The following CBX2 variants were observed in gnomAD, a reference collection of about 807,000 sequenced individuals.
The protein encoded by CBX2 is chromobox 2.
Under a neutral mutation model 21.0 loss-of-function variants are expected in CBX2, and 11 were observed. The ratio of observed to expected loss-of-function variants is 0.52; its 90% CI spans 0.33 to 0.87. The LOEUF is 0.87. CBX2 is among the 40% of genes least tolerant of loss of function. The probability of loss-of-function intolerance (pLI) is 0.02; values close to 1 mark genes in which losing one functional copy is unlikely to be tolerated. For synonymous variants in CBX2, 364 were observed against 304.6 expected (o/e 1.19, Z -2.03); for missense variants, 746 against 724.3 (o/e 1.03, Z -0.34).
chr17:79,781,617 G>A (rs1296224610), intron 3 of CBX2, 79 bp from the exon 4 acceptor site: 37 of 1,213,412 alleles, frequency 3.0e-5, no homozygotes, highest in Non-Finnish European at 3.9e-5. Context: ...GGAATAGGGT[G>A]CTGGAAGCCA....
In CBX2 at chr17:79,778,283, C is replaced by T. The variant is rs781876862; in HGVS notation, c.48C>T (p.Cys16=). 301 of 1,546,630 alleles carry T rather than the reference C, an allele frequency of 1.9e-4. No individual in the cohort carries two copies. Among genetic ancestry groups the T allele is most frequent in the Non-Finnish European group, 2.2e-4 (258 of 1,152,858 alleles). ...SVGEQVFAAE[C]ILSKRLRKGK... Reference sequence around the variant, plus strand: ...GCGAGCAGGTCTTCGCCGCCGAGTGCATCCTGAGCAAGCGGCTCCGCAAGG... The same window carrying T: ...GCGAGCAGGTCTTCGCCGCCGAGTGTATCCTGAGCAAGCGGCTCCGCAAGG... Residue 16 remains cysteine, a synonymous_variant, in exon 1 of 5, where the codon TGC becomes TGT. Transcript: ENST00000310942. The surrounding 1 kb of genome is among the most constrained non-coding windows in gnomAD (Gnocchi z 4.8).
rs1907739190 is a variant in CBX2 at position 79,787,830 on chromosome 17, T to G, written c.*2788T>G. ...AGAGTGTTCCTTGTTTTGGTTACAC[T>G]CGAAATTCTGACCTAGCTGGAGAGG... On this transcript the variant is annotated 3_prime_UTR_variant, in exon 5 of 5. Coordinates refer to ENST00000310942, the MANE Select transcript of CBX2 (RefSeq NM_005189.3). 6.6e-6 allele frequency: 1 copy of G among 152,188 alleles called. No individual in the cohort carries two copies. The highest frequency in any genetic ancestry group is 2.4e-5 in the African/African-American group (1 of 41,448). The allele number at this position is 152,188 out of a possible 1,614,324, so 9.4% of individuals were successfully genotyped here.
chr17:79,785,146 G>A lies in CBX2; in HGVS notation c.*104G>A. 4 of 1,018,612 alleles carry A rather than the reference G, an allele frequency of 3.9e-6. No homozygotes were observed. The highest frequency in any genetic ancestry group is 6.0e-6 in the Non-Finnish European group (4 of 669,690). 63.1% of individuals were successfully genotyped at this position (1,018,612 alleles called of 1,614,324 possible). The stretch of plus-strand genomic sequence containing the variant: ...AAGCCCCCTCAAGAGTCTGGGTCGG[G>A]GGAGGAGGAGTGGGTGGCCTCCTTG... On this transcript the variant is annotated 3_prime_UTR_variant, in exon 5 of 5. Transcript: ENST00000310942.
rs782036404 is a variant in CBX2, at chr17:79,778,347, G to C, written c.73-37G>C. The C allele has an allele frequency of 1.1e-5, 17 of 1,577,394 alleles. No homozygotes were observed. The highest frequency in any genetic ancestry group is 8.2e-5 in the African/African-American group (6 of 73,302). ...CCGGGCCCCCCGCCCGCCGCCCGCT[G>C]TCCGTCTGGCTCACGGCCCCTCTTC... On this transcript the variant is annotated intron_variant, in intron 1 of 4. Coordinates refer to ENST00000310942, the MANE Select transcript of CBX2 (RefSeq NM_005189.3). This position sits in a 1 kb window ranked among gnomAD's most constrained non-coding sequence, Gnocchi z 4.8.
rs1347719120 is a variant in CBX2, at chr17:79,778,201, G to C, written c.-35G>C. The stretch of plus-strand genomic sequence containing the variant: ...GCGGCGGTCCGGGCGGGTGACTGGC[G>C]GCGGGCGCCGCGGTCGGGCTGGCTG... On this transcript the variant is annotated 5_prime_UTR_variant, in exon 1 of 5. Transcript: ENST00000310942. The surrounding 1 kb of genome is among the most constrained non-coding windows in gnomAD (Gnocchi z 4.8). 30 of 1,273,588 alleles carry C rather than the reference G, an allele frequency of 2.4e-5. No homozygotes were observed. The highest frequency in any genetic ancestry group is 3.0e-5 in the Non-Finnish European group (30 of 1,006,868). 78.9% of individuals were successfully genotyped at this position (1,273,588 alleles called of 1,614,324 possible). A position where few individuals can be genotyped will look rare whatever the true frequency, so the allele number is the denominator to read the frequency against.
chr17:79,781,933 A>G, intron 4 of CBX2, 132 bp downstream of exon 4: 1 of 1,614,148 alleles, frequency 6.2e-7, no homozygotes, highest in East Asian at 2.2e-5. Context: ...CTCTACTCGG[A>G]AAACAGGAGC....
Position 79,779,221 on chromosome 17 carries a change from C to CT in CBX2, c.117-138dup, listed in dbSNP as rs367609794. On this transcript the variant is annotated intron_variant, in intron 2 of 4. Coordinates refer to ENST00000310942, the MANE Select transcript of CBX2 (RefSeq NM_005189.3). ...CCAGCCTCCAAAACCTGGGTTTGGA[C>CT]TTTGAGAAGTGCCATGGTGCTACGG... The CT allele has an allele frequency of 8.6e-4, 697 of 814,108 alleles. 9 individuals carry two copies. In the East Asian group the frequency reaches 0.017, roughly 20 times the overall value. 50.4% of individuals were successfully genotyped at this position (814,108 alleles called of 1,614,324 possible). A position where few individuals can be genotyped will look rare whatever the true frequency, so the allele number is the denominator to read the frequency against.
chr17:79,781,358 A>G (rs1907184500), intron 3 of CBX2, among the ~76,000 whole-genome samples: 3 of 152,214 alleles, frequency 2.0e-5, no homozygotes, highest in Admixed American at 6.5e-5. Flanking sequence ...GTGGCCACCG[A>G]GGCCACTTCT....
chr17:79,780,997 C>T (rs1907142910), intron 3 of CBX2, among the ~76,000 whole-genome samples: 1 of 151,928 alleles, frequency 6.6e-6, no homozygotes, highest in African/African-American at 2.4e-5. Flanking sequence ...TACAGGCTTT[C>T]CCTGGGGGCT....
rs1423887994 is a variant in CBX2 at position 79,778,866 on chromosome 17, T to A, written c.116+439T>A. ...CCCCGGAAGGGGCTCTCTGCACAGC[T>A]GCTCCCGCGGCCCCGTTTCTGCGTC... On this transcript the variant is annotated intron_variant, in intron 2 of 4. Transcript: ENST00000310942. This position sits in a 1 kb window ranked among gnomAD's most constrained non-coding sequence, Gnocchi z 4.8. 6.6e-6 allele frequency among the ~76,000 whole-genome samples: 1 copy of A among 152,056 alleles called. No homozygotes were observed. Among genetic ancestry groups the A allele is most frequent in the Non-Finnish European group, 1.5e-5 (1 of 67,994 alleles).
intron 3 of CBX2, among the ~76,000 whole-genome samples, chr17:79,780,728 C>A (rs1907115529): frequency 6.6e-6 from 1 of 151,930 alleles, no homozygotes; most frequent in Admixed American, 6.6e-5. Flanking sequence ...CTGGCGGTTA[C>A]CTGCTTGGTA....
At chr17:79,780,190 C>G (rs1555829920) in intron 3 of CBX2, among the ~76,000 whole-genome samples, 1 of 152,220 alleles carries the variant, frequency 6.6e-6, no homozygotes, top group African/African-American at 2.4e-5. Context: ...ACGGCTCCCC[C>G]TGGATCCCCT....
At chr17:79,779,263 C>A in intron 2 of CBX2, 99 bp from the exon 3 acceptor site, 1 of 1,177,214 alleles carries the variant, frequency 8.5e-7, no homozygotes, top group Non-Finnish European at 1.2e-6. Context: ...TGCCATCGGC[C>A]CAAGTCGAGG....
At position 79,784,132 on chromosome 17, in the gene CBX2, C is replaced by A; in HGVS notation, c.689C>A (p.Thr230Asn). The A allele has an allele frequency of 6.2e-7, 1 of 1,612,202 alleles. No homozygotes were observed. Among genetic ancestry groups the A allele is most frequent in the East Asian group, 2.2e-5 (1 of 44,868 alleles). ...TGTGGCGGCCCCAGTGCCATGGCCACCCCAGAGAACCTGGCCAGCCTAATG... is the reference window on the plus strand; with the variant it reads ...TGTGGCGGCCCCAGTGCCATGGCCAACCCAGAGAACCTGGCCAGCCTAATG... ...EACGGPSAMATPENLASLMKG... is the reference protein window; with the variant it reads ...EACGGPSAMANPENLASLMKG... Residue 230 changes from threonine (T) to asparagine (N), a missense_variant, in exon 5 of 5, where the codon ACC becomes AAC. This residue lies in a region of CBX2 where 701 missense variants were observed against 650.7 expected (regional missense o/e 1.08). Transcript: ENST00000310942. This position sits in a 1 kb window ranked among gnomAD's most constrained non-coding sequence, Gnocchi z 5.9.
Position 79,785,279 on chromosome 17 carries a change from C to A in CBX2, c.*237C>A. On this transcript the variant is annotated 3_prime_UTR_variant, in exon 5 of 5. Coordinates refer to ENST00000310942, the MANE Select transcript of CBX2 (RefSeq NM_005189.3). ...TCCACCTTGTTCCTACCTCTGCAGG[C>A]CTCTTTGCTCTCCCCTCTTGCCTCA... 1 of 586,544 alleles carries A rather than the reference C, an allele frequency of 1.7e-6. No homozygotes were observed. The highest frequency in any genetic ancestry group is 3.0e-6 in the Non-Finnish European group (1 of 328,060). 36.3% of individuals were successfully genotyped at this position (586,544 alleles called of 1,614,324 possible).
intron 3 of CBX2, among the ~76,000 whole-genome samples, chr17:79,780,881 T>C (rs782496463): frequency 6.6e-6 from 1 of 152,068 alleles, no homozygotes; most frequent in African/African-American, 2.4e-5. Context: ...CACTTAAGAG[T>C]ATGAACTTTG....
rs781881482 is a variant in CBX2 at position 79,783,847 on chromosome 17, G to A, written c.404G>A (p.Arg135Gln). Residue 135 changes from arginine to glutamine, a missense_variant, in exon 5 of 5, where the codon CGG (arginine) becomes CAG (glutamine). This residue lies in a region of CBX2 where 701 missense variants were observed against 650.7 expected (regional missense o/e 1.08). Transcript: ENST00000310942. ...GACTTAGATGCTAAGAGGGGTCCCC[G>A]GGGCCGCGAGACCCACCCAGTGCCG... is the stretch of plus-strand genomic sequence containing the variant. ...DSDLDAKRGPRGRETHPVPQK... is the reference protein window; with the variant it reads ...DSDLDAKRGPQGRETHPVPQK... The A allele has an allele frequency of 8.1e-6, 13 of 1,613,128 alleles. No individual in the cohort carries two copies. The highest frequency in any genetic ancestry group is 6.7e-5 in the East Asian group (3 of 44,820).
In CBX2 at chr17:79,784,296, G is replaced by A. The variant is rs375372157; in HGVS notation, c.853G>A (p.Gly285Ser). The A allele has an allele frequency of 1.1e-5, 18 of 1,612,966 alleles. No individual in the cohort carries two copies. The highest frequency in any genetic ancestry group is 2.2e-5 in the East Asian group (1 of 44,882). Residue 285 changes from glycine (G) to serine (S), a missense_variant, in exon 5 of 5, where the codon GGC becomes AGC. This residue lies in a region of CBX2 where 701 missense variants were observed against 650.7 expected (regional missense o/e 1.08). Transcript: ENST00000310942. This position sits in a 1 kb window ranked among gnomAD's most constrained non-coding sequence, Gnocchi z 5.9. ...GAAGGCCCAGGCCACCAACAAGTGC[G>A]GCCTCGGGCTGGACCTGAAGGTGAG... Reference protein sequence around the residue: ...ALKAQATNKCGLGLDLKVRTQ... With the variant: ...ALKAQATNKCSLGLDLKVRTQ...
rs1223660551 is a variant in CBX2 at position 79,778,921 on chromosome 17, C to T, written c.117-441C>T. Reference sequence around the variant, plus strand: ...CGGACCCCGCTCTTTCTTCGCTACCCCTCGAGGTGCCCCGGCCCGCGCGCC... The same window carrying T: ...CGGACCCCGCTCTTTCTTCGCTACCTCTCGAGGTGCCCCGGCCCGCGCGCC... On this transcript the variant is annotated intron_variant, in intron 2 of 4. Transcript: ENST00000310942. This position sits in a 1 kb window ranked among gnomAD's most constrained non-coding sequence, Gnocchi z 4.8. Among the ~76,000 whole-genome samples, 1 of 152,188 alleles carries T rather than the reference C, an allele frequency of 6.6e-6. No homozygotes were observed. The highest frequency in any genetic ancestry group is 2.4e-5 in the African/African-American group (1 of 41,454).
Sources: gnomAD v4.1 joint callset for allele counts (sites outside exome capture counted in the v4.1 genomes callset) on GRCh38, gnomAD v4.1.1 for gene constraint, gnomAD v4.1.1 regional missense constraint, Gnocchi (gnomAD v3.1) non-coding constraint, MANE v1.5 for transcripts, NCBI Gene and HGNC (gene_info 2026-07-23, HGNC 2026-07-21) for gene names.